STK33: variants seen among roughly 807,000 people sequenced by gnomAD.
STK33 encodes the protein serine/threonine kinase 33, also known as serine/threonine-protein kinase 33.
Under a neutral mutation model 58.0 loss-of-function variants are expected in STK33, and 52 were observed. The observed-to-expected ratio is 0.90, with a 90% CI of 0.72 to 1.13. The LOEUF (loss-of-function observed/expected upper bound fraction) is 1.13, where lower values mean the gene tolerates loss of function less well. Among genes scored for constraint, STK33 ranks in the 50% most tolerant of loss-of-function variants. The pLI is 0.00. For missense variants in STK33, 630 were observed against 604.2 expected (o/e 1.04, Z -0.45); for synonymous variants, 215 against 200.1 (o/e 1.07, Z -0.63).
rs137923700 is a variant in STK33, at chr11:8,423,911, T to C, written c.1147-10219A>G. ...ATACATTATTAAAATTACTATATAA[T>C]CTTTTTGAGTTGAATCTTTAATCCT... On this transcript the variant is annotated intron_variant, in intron 14 of 15. Transcript: ENST00000687296. Among the ~76,000 whole-genome samples, 18 of 152,202 alleles carry C rather than the reference T, an allele frequency of 1.2e-4. No individual in the cohort carries two copies. The East Asian group carries it at 3.5e-3, about 29-fold the overall frequency.
Position 8,569,971 on chromosome 11 carries a change from A to T in STK33, c.-466+24112T>A, listed in dbSNP as rs370261289. 2.1e-3 allele frequency among the ~76,000 whole-genome samples: 321 copies of T among 152,244 alleles called. 2 individuals carry two copies. The highest frequency in any genetic ancestry group is 7.4e-3 in the African/African-American group (306 of 41,544). On this transcript the variant is annotated intron_variant, in intron 1 of 15. Coordinates refer to ENST00000687296, the MANE Select transcript of STK33 (RefSeq NM_001352389.2). Reference sequence around the variant, plus strand: ...CTCAAAAAAATAAATAAATAGATAAATAAAAGAAAACGAATAGGCAAGCCA... The same window carrying T: ...CTCAAAAAAATAAATAAATAGATAATTAAAAGAAAACGAATAGGCAAGCCA...
At chr11:8,487,938 T>C (rs891291948) in intron 1 of STK33, among the ~76,000 whole-genome samples, 12 of 152,188 alleles carry the variant, frequency 7.9e-5, no homozygotes, top group Non-Finnish European at 1.5e-4. Context: ...TTCGTGGCAT[T>C]TTAACTTGCC....
intron 1 of STK33, among the ~76,000 whole-genome samples, chr11:8,490,080 C>A (rs1950492131): frequency 6.6e-6 from 1 of 152,176 alleles, no homozygotes; most frequent in Non-Finnish European, 1.5e-5. Context: ...ACAGTGGGTG[C>A]AGCCCATGGA....
intron 7 of STK33, among the ~76,000 whole-genome samples, chr11:8,464,269 G>C (rs1947904576): frequency 6.6e-6 from 1 of 152,174 alleles, no homozygotes; most frequent in Non-Finnish European, 1.5e-5. Flanking sequence ...CAACATGAAA[G>C]AGCAGGCAGG....
intron 15 of STK33, among the ~76,000 whole-genome samples, chr11:8,398,416 G>C (rs1244962705): frequency 6.6e-6 from 1 of 152,198 alleles, no homozygotes; most frequent in Non-Finnish European, 1.5e-5. Context: ...AATGCTGAGA[G>C]ATTTTGTCAC....
intron 1 of STK33, among the ~76,000 whole-genome samples, chr11:8,495,927 A>T (rs1394420747): frequency 6.6e-6 from 1 of 151,020 alleles, no homozygotes; most frequent in Non-Finnish European, 1.5e-5. Flanking sequence ...GGCGGGGAAT[A>T]TCACACACTG....
At chr11:8,572,680 A>T (rs1957909060) in intron 1 of STK33, among the ~76,000 whole-genome samples, 1 of 152,104 alleles carries the variant, frequency 6.6e-6, no homozygotes, top group African/African-American at 2.4e-5. Flanking sequence ...CAGCCTCTGA[A>T]GTCACTGTGA....
chr11:8,549,127 T>C (rs1266143130), intron 1 of STK33, among the ~76,000 whole-genome samples: 1 of 152,332 alleles, frequency 6.6e-6, no homozygotes, highest in Non-Finnish European at 1.5e-5. Context: ...ATGGTCTTTA[T>C]TGATTTCAGG....
At chr11:8,484,463 C>T (rs1431799696) in intron 1 of STK33, among the ~76,000 whole-genome samples, 2 of 152,146 alleles carry the variant, frequency 1.3e-5, no homozygotes, top group African/African-American at 2.4e-5. Flanking sequence ...TAAAATACAA[C>T]CCTACGGGAG....
chr11:8,511,341 C>G (rs995702659), intron 1 of STK33, among the ~76,000 whole-genome samples: 1 of 152,220 alleles, frequency 6.6e-6, no homozygotes, highest in African/African-American at 2.4e-5. Context: ...GATTTTGTAT[C>G]CTGAGACTTT....
chr11:8,350,043 A>G, the STK33 span, among the ~76,000 whole-genome samples: 7 of 152,268 alleles, frequency 4.6e-5, no homozygotes, highest in Non-Finnish European at 8.8e-5. Context: ...TGCACTTCAT[A>G]TGCCTCATCT....
chr11:8,490,480 CT>C (rs1950527364), intron 1 of STK33, among the ~76,000 whole-genome samples: 1 of 152,190 alleles, frequency 6.6e-6, no homozygotes, highest in African/African-American at 2.4e-5. Flanking sequence ...GACTCCACGT[CT>C]GGGGGCAGGG....
At position 8,423,030 on chromosome 11, in the gene STK33, C is replaced by G. The variant is rs192291261; in HGVS notation, c.1147-9338G>C. Among the ~76,000 whole-genome samples the G allele has an allele frequency of 3.2e-3, 477 of 151,194 alleles. 3 individuals carry two copies. The highest frequency in any genetic ancestry group is 0.011 in the African/African-American group (445 of 41,388). On this transcript the variant is annotated intron_variant, in intron 14 of 15. Coordinates refer to ENST00000687296, the MANE Select transcript of STK33 (RefSeq NM_001352389.2). The stretch of plus-strand genomic sequence containing the variant: ...TGATTTTTTAAATTTTTTGTAGGGA[C>G]AGGGTCTCACTATGTTGTCCAGGCT...
intron 1 of STK33, among the ~76,000 whole-genome samples, chr11:8,504,624 G>A (rs1951742311): frequency 6.6e-6 from 1 of 151,690 alleles, no homozygotes; most frequent in African/African-American, 2.4e-5. Flanking sequence ...CTCATCTCCA[G>A]AAAAATAAAA....
chr11:8,490,359 A>G (rs1208479222), intron 1 of STK33, among the ~76,000 whole-genome samples: 2 of 152,186 alleles, frequency 1.3e-5, no homozygotes, highest in Non-Finnish European at 2.9e-5. Context: ...GCAACCTGGC[A>G]GGGGGAGGGG....
intron 1 of STK33, among the ~76,000 whole-genome samples, chr11:8,497,966 A>G (rs1951189595): frequency 1.3e-5 from 2 of 152,146 alleles, no homozygotes; most frequent in South Asian, 4.2e-4. Context: ...AGTCTCAACA[A>G]AATACTAGCC....
the STK33 span, among the ~76,000 whole-genome samples, chr11:8,363,545 T>C: frequency 2.0e-5 from 3 of 152,306 alleles, no homozygotes; most frequent in Admixed American, 2.0e-4. Flanking sequence ...ACTGGAATCA[T>C]AAAGTTTGTA....
At chr11:8,582,471 G>A (rs1260487018) in intron 1 of STK33, among the ~76,000 whole-genome samples, 1 of 152,178 alleles carries the variant, frequency 6.6e-6, no homozygotes, top group East Asian at 1.9e-4. Flanking sequence ...AGGCAAAGGG[G>A]AAGCAGACAC....
chr11:8,479,219 G>A (rs946558378), intron 2 of STK33, among the ~76,000 whole-genome samples: 11 of 151,922 alleles, frequency 7.2e-5, no homozygotes, highest in African/African-American at 2.7e-4. Flanking sequence ...AGACCATCCT[G>A]GCCAACATCC....
Sources: allele counts gnomAD v4.1 joint callset (sites outside exome capture counted in the v4.1 genomes callset), GRCh38; gene constraint gnomAD v4.1.1; transcripts MANE v1.5; gene names NCBI Gene and HGNC (gene_info 2026-07-23, HGNC 2026-07-21).